EIF2S2: variants seen among roughly 807,000 people sequenced by gnomAD.
EIF2S2 encodes the protein eukaryotic translation initiation factor 2 subunit beta.
EIF2S2 carries 4 observed loss-of-function variants against 44.0 expected under a neutral mutation model. That is an observed-to-expected ratio of 0.09 (90% CI 0.04 to 0.21). The LOEUF is 0.21. EIF2S2 is among the 10% of genes least tolerant of loss of function. The pLI, the probability that EIF2S2 is intolerant of heterozygous loss-of-function variation, is 1.00. For synonymous variants in EIF2S2, 108 were observed against 128.3 expected (o/e 0.84, Z 1.07); for missense variants, 154 against 392.0 (o/e 0.39, Z 5.13).
Position 34,096,771 on chromosome 20 carries a change from T to C in EIF2S2, c.569A>G (p.Lys190Arg), listed in dbSNP as rs373524023. ...CTCCCCAGCAACCATATCTGGATTC[T>C]TTTCCCTCATGATGTTGAACACTCG... ...LNRVFNIMRE[K>R]NPDMVAGEKR... Residue 190 changes from lysine (K) to arginine (R), a missense_variant, in exon 6 of 9, where the codon AAG becomes AGG. By Grantham distance (26) the Lys-to-Arg change is conservative. Coordinates refer to ENST00000374980, the MANE Select transcript of EIF2S2 (RefSeq NM_003908.5). 3.7e-6 allele frequency: 6 copies of C among 1,611,034 alleles called. No individual in the cohort carries two copies. The highest frequency in any genetic ancestry group is 4.2e-6 in the Non-Finnish European group (5 of 1,179,340).
chr20:34,104,536 G>C (rs189145961), intron 2 of EIF2S2, among the ~76,000 whole-genome samples: 1 of 152,088 alleles, frequency 6.6e-6, no homozygotes, highest in Admixed American at 6.6e-5. Flanking sequence ...ACATTTTATT[G>C]AATCAACTAA....
chr20:34,092,838 C>G (rs2034183135), intron 7 of EIF2S2, among the ~76,000 whole-genome samples: 1 of 152,226 alleles, frequency 6.6e-6, no homozygotes, highest in Admixed American at 6.5e-5. Flanking sequence ...CAGTGACGCA[C>G]AGGTGTCAAG....
At chr20:34,108,822 GGT>G (rs920327085) in intron 1 of EIF2S2, among the ~76,000 whole-genome samples, 6 of 152,078 alleles carry the variant, frequency 3.9e-5, no homozygotes, top group Admixed American at 1.3e-4. Flanking sequence ...CCCAGAAGCA[GGT>G]GTGAGTCACA....
intron 3 of EIF2S2, among the ~76,000 whole-genome samples, chr20:34,103,099 A>G (rs981078450): frequency 6.6e-6 from 1 of 152,202 alleles, no homozygotes; most frequent in Non-Finnish European, 1.5e-5. Flanking sequence ...ATCAATTTGT[A>G]TATATTCAAT....
intron 1 of EIF2S2, 76 bp downstream of exon 1, chr20:34,112,020 G>A: frequency 2.3e-6 from 3 of 1,325,300 alleles, no homozygotes; most frequent in Non-Finnish European, 2.9e-6. Context: ...TAGGCCGCAG[G>A]CCCGTTCTCC....
chr20:34,094,994 T>C (rs2034210143), intron 6 of EIF2S2, among the ~76,000 whole-genome samples: 1 of 152,226 alleles, frequency 6.6e-6, no homozygotes, highest in African/African-American at 2.4e-5. Context: ...AAAATATCCA[T>C]TCCTTTTAAC....
intron 6 of EIF2S2, 93 bp downstream of exon 6, chr20:34,096,564 T>G (rs762306291): frequency 3.1e-6 from 4 of 1,303,454 alleles, no homozygotes; most frequent in Non-Finnish European, 4.2e-6. Context: ...TCTTTCCATC[T>G]ATAATAAAGT....
chr20:34,100,468 C>T (rs1369926480), intron 3 of EIF2S2, among the ~76,000 whole-genome samples: 1 of 152,142 alleles, frequency 6.6e-6, no homozygotes, highest in African/African-American at 2.4e-5. Flanking sequence ...ATCTAGAGAT[C>T]CCCAGATAAG....
At chr20:34,092,739 A>G (rs1200125682) in intron 7 of EIF2S2, among the ~76,000 whole-genome samples, 1 of 152,238 alleles carries the variant, frequency 6.6e-6, no homozygotes, top group African/African-American at 2.4e-5. Context: ...ACGGTCAAGT[A>G]AATTACCCCT....
At chr20:34,111,141 T>G (rs931736904) in intron 1 of EIF2S2, among the ~76,000 whole-genome samples, 1 of 152,180 alleles carries the variant, frequency 6.6e-6, no homozygotes, top group African/African-American at 2.4e-5. Context: ...CATTACCTGC[T>G]TGGCAAGTGT....
intron 1 of EIF2S2, among the ~76,000 whole-genome samples, chr20:34,110,211 G>C (rs1046054711): frequency 4.6e-5 from 7 of 151,966 alleles, no homozygotes; most frequent in Non-Finnish European, 7.4e-5. Context: ...CTCTGGGAAA[G>C]TCCTTGGCAG....
intron 7 of EIF2S2, among the ~76,000 whole-genome samples, chr20:34,092,408 C>T (rs914309853): frequency 5.9e-5 from 9 of 152,196 alleles, no homozygotes; most frequent in South Asian, 2.1e-4. Context: ...CGGTGGCTCA[C>T]GCCTGTAATC....
chr20:34,112,001 G>C, intron 1 of EIF2S2, 95 bp downstream of exon 1: 1 of 1,268,702 alleles, frequency 7.9e-7, no homozygotes, highest in Non-Finnish European at 1.0e-6. Flanking sequence ...CATGGCGGCG[G>C]CCGGCTGCTA....
In EIF2S2 at chr20:34,109,369, T is replaced by C. The variant is rs552550356; in HGVS notation, c.15+2727A>G. Among the ~76,000 whole-genome samples the C allele has an allele frequency of 5.9e-5, 9 of 152,262 alleles. No individual in the cohort carries two copies. In the South Asian group the frequency reaches 1.5e-3, roughly 25 times the overall value. On this transcript the variant is annotated intron_variant, in intron 1 of 8. Coordinates refer to ENST00000374980, the MANE Select transcript of EIF2S2 (RefSeq NM_003908.5). The stretch of plus-strand genomic sequence containing the variant: ...GGGATTTTTCTTTTCCCTTACCAGG[T>C]AGCAGCCATATTTCTAGGATTCTGC...
chr20:34,099,136 G>A (rs1035732341), intron 3 of EIF2S2, among the ~76,000 whole-genome samples: 1 of 152,142 alleles, frequency 6.6e-6, no homozygotes, highest in Non-Finnish European at 1.5e-5. Flanking sequence ...TTGGGACGTC[G>A]AGGCAGGTGG....
At chr20:34,091,256 G>C (rs1421868711) in intron 7 of EIF2S2, among the ~76,000 whole-genome samples, 1 of 152,128 alleles carries the variant, frequency 6.6e-6, no homozygotes, top group African/African-American at 2.4e-5. Flanking sequence ...CAAGGCAAAG[G>C]AGAGACCTAG....
At chr20:34,099,513 ATG>A (rs1224896119) in intron 3 of EIF2S2, among the ~76,000 whole-genome samples, 2 of 152,116 alleles carry the variant, frequency 1.3e-5, no homozygotes, top group African/African-American at 4.8e-5. Context: ...GACACCAAAT[ATG>A]TGTTTTTCCA....
Position 34,105,542 on chromosome 20 carries a change from T to C in EIF2S2, c.19A>G (p.Ile7Val). MSGDEM[I>V]FDPTMSKKKK... is the part of the protein sequence containing the mutation. Reference sequence around the variant, plus strand: ...TTCTTGCTCATAGTAGGATCAAAAATCATCTGTTTAAAAGACAAAAAACAA... The same window carrying C: ...TTCTTGCTCATAGTAGGATCAAAAACCATCTGTTTAAAAGACAAAAAACAA... The change falls in exon 2 of 9, where the codon ATT (isoleucine) becomes GTT (valine). Residue 7 changes from isoleucine (I) to valine (V), a missense_variant. By Grantham distance (29) the Ile-to-Val change is conservative (BLOSUM62 3). Coordinates refer to ENST00000374980, the MANE Select transcript of EIF2S2 (RefSeq NM_003908.5). 6.4e-7 allele frequency: 1 copy of C among 1,568,640 alleles called. No individual in the cohort carries two copies.
In EIF2S2 at chr20:34,096,752, A is replaced by G. The variant is rs753678692; in HGVS notation, c.588T>C (p.Ala196=). The change falls in exon 6 of 9, where the codon GCT becomes GCC. Residue 196 remains alanine (A), a synonymous_variant. Coordinates refer to ENST00000374980, the MANE Select transcript of EIF2S2 (RefSeq NM_003908.5). ...TCATGACAAATTTCCTTTTCTCCCCAGCAACCATATCTGGATTCTTTTCCC... is the reference window on the plus strand; with the variant it reads ...TCATGACAAATTTCCTTTTCTCCCCGGCAACCATATCTGGATTCTTTTCCC... ...IMREKNPDMV[A]GEKRKFVMKP... 1.2e-6 allele frequency: 2 copies of G among 1,612,154 alleles called. No individual in the cohort carries two copies. The highest frequency in any genetic ancestry group is 1.7e-6 in the Non-Finnish European group (2 of 1,179,716).
Sources: gnomAD v4.1 joint callset for allele counts (sites outside exome capture counted in the v4.1 genomes callset) on GRCh38, gnomAD v4.1.1 for gene constraint, MANE v1.5 for transcripts, NCBI Gene and HGNC (gene_info 2026-07-23, HGNC 2026-07-21) for gene names.